FGF7: variants seen among roughly 807,000 people sequenced by gnomAD.
The protein encoded by FGF7 is FGF-7.
FGF7 carries 6 observed loss-of-function variants against 20.5 expected under a neutral mutation model. That is an observed-to-expected ratio of 0.29 (90% CI 0.16 to 0.58). The LOEUF is 0.58. Among genes scored for constraint, FGF7 ranks in the 20% least tolerant of loss-of-function variants. FGF7 has a pLI of 0.90. For synonymous variants in FGF7, 64 were observed against 74.7 expected, an observed-to-expected ratio of 0.86 and a Z score of 0.74; for missense variants, 144 against 228.8, an observed-to-expected ratio of 0.63 and a Z score of 2.39.
intron 2 of FGF7, among the ~76,000 whole-genome samples, chr15:49,463,644 C>G (rs934652034): frequency 6.6e-6 from 1 of 151,918 alleles, no homozygotes; most frequent in African/African-American, 2.4e-5. Context: ...CCTGGAAGTT[C>G]GCTGTGTATA....
chr15:49,479,597 CTGT>C (rs869112433), intron 2 of FGF7, among the ~76,000 whole-genome samples: 1 of 102,078 alleles, frequency 9.8e-6, no homozygotes, highest in Non-Finnish European at 1.8e-5. Context: ...GTTAATACCT[CTGT>C]TTTTTTTTTT....
At chr15:49,457,252 C>G (rs1259658237) in intron 2 of FGF7, among the ~76,000 whole-genome samples, 1 of 151,868 alleles carries the variant, frequency 6.6e-6, no homozygotes, top group Non-Finnish European at 1.5e-5. Context: ...TCGTTTAATA[C>G]TATAATATTC....
intron 2 of FGF7, among the ~76,000 whole-genome samples, chr15:49,438,193 C>T (rs1264064554): frequency 4.0e-5 from 6 of 151,650 alleles, no homozygotes; most frequent in South Asian, 2.1e-4. Flanking sequence ...TGAAGCTTTA[C>T]CCATAGGCTA....
chr15:49,485,056 A>T lies in FGF7; in HGVS notation c.*552A>T, dbSNP rs1260687540. 2.6e-5 allele frequency: 4 copies of T among 152,122 alleles called. No individual in the cohort carries two copies. Among genetic ancestry groups the T allele is most frequent in the African/African-American group, 9.7e-5 (4 of 41,432 alleles). 9.4% of individuals were successfully genotyped at this position (152,122 alleles called of 1,614,324 possible). ...CTAATCAGAAAAAAAATTCTCAAAA[A>T]AACTATTATGAAAGTCAATAAAATA... On this transcript the variant is annotated 3_prime_UTR_variant, in exon 4 of 4. Coordinates refer to ENST00000267843, the MANE Select transcript of FGF7 (RefSeq NM_002009.4).
rs2056613784 is a variant in FGF7, at chr15:49,488,657, T to C, written c.*4153T>C. Reference sequence around the variant, plus strand: ...TTTTCTTTCATTTATATTCTAATAATTGAAATGTGAGATGAAAATAACATT... The same window carrying C: ...TTTTCTTTCATTTATATTCTAATAACTGAAATGTGAGATGAAAATAACATT... On this transcript the variant is annotated 3_prime_UTR_variant, in exon 4 of 4. Coordinates refer to ENST00000267843, the MANE Select transcript of FGF7 (RefSeq NM_002009.4). The C allele has an allele frequency of 6.6e-6, 1 of 152,080 alleles. No homozygotes were observed. The highest frequency in any genetic ancestry group is 1.5e-5 in the Non-Finnish European group (1 of 67,968). The allele number at this position is 152,080 out of a possible 1,614,324, so 9.4% of individuals were successfully genotyped here. A position where few individuals can be genotyped will look rare whatever the true frequency, so the allele number is the denominator to read the frequency against.
At chr15:49,473,513 A>G (rs897021942) in intron 2 of FGF7, among the ~76,000 whole-genome samples, 2 of 152,178 alleles carry the variant, frequency 1.3e-5, no homozygotes, top group Non-Finnish European at 2.9e-5. Context: ...CTGGCAATAA[A>G]CACTCAGTAA....
chr15:49,478,688 T>C (rs2055598271), intron 2 of FGF7, among the ~76,000 whole-genome samples: 1 of 152,168 alleles, frequency 6.6e-6, no homozygotes, highest in Non-Finnish European at 1.5e-5. Context: ...AAATAATATT[T>C]AGTTATCATG....
At chr15:49,425,789 G>A (rs552068815) in intron 2 of FGF7, among the ~76,000 whole-genome samples, 1 of 151,746 alleles carries the variant, frequency 6.6e-6, no homozygotes, top group South Asian at 2.1e-4. Context: ...TTAATGACTG[G>A]ACAGTTATGG....
intron 2 of FGF7, among the ~76,000 whole-genome samples, chr15:49,464,436 G>A (rs543627033): frequency 2.0e-5 from 3 of 152,236 alleles, no homozygotes; most frequent in Non-Finnish European, 2.9e-5. Context: ...AAGTATGTAC[G>A]TGTAGTGAAA....
chr15:49,454,152 TAC>T (rs2053045763), intron 2 of FGF7, among the ~76,000 whole-genome samples: 1 of 152,168 alleles, frequency 6.6e-6, no homozygotes, highest in Non-Finnish European at 1.5e-5. Context: ...ATAAAAGAAA[TAC>T]AGAGTGAATG....
chr15:49,424,323 T>G lies in FGF7; in HGVS notation c.26T>G (p.Ile9Ser), dbSNP rs1048633344. The G allele has an allele frequency of 4.3e-6, 7 of 1,613,426 alleles. No homozygotes were observed. In the Admixed American group the frequency reaches 8.3e-5, roughly 19 times the overall value. The stretch of plus-strand genomic sequence containing the variant: ...ATGCACAAATGGATACTGACATGGA[T>G]CCTGCCAACTTTGCTCTACAGATCA... MHKWILTW[I>S]LPTLLYRSCF... Residue 9 changes from isoleucine (I) to serine (S), a missense_variant, in exon 2 of 4, where the codon ATC becomes AGC. Physicochemically the swap from Ile to Ser is moderately radical, Grantham distance 142 (BLOSUM62 -2). Transcript: ENST00000267843.
chr15:49,443,542 A>T (rs143621735), intron 2 of FGF7, among the ~76,000 whole-genome samples: 3,574 of 151,854 alleles, frequency 0.024, 90 homozygotes, highest in South Asian at 0.13. Context: ...CTTAAGGTTT[A>T]GTGTCTATAA....
chr15:49,457,467 G>C (rs1429914973), intron 2 of FGF7, among the ~76,000 whole-genome samples: 7 of 151,888 alleles, frequency 4.6e-5, no homozygotes, highest in East Asian at 1.9e-4. Flanking sequence ...CAAGAGGACT[G>C]AACTTTTCAG....
At chr15:49,435,475 T>C (rs1393316265) in intron 2 of FGF7, among the ~76,000 whole-genome samples, 1 of 151,642 alleles carries the variant, frequency 6.6e-6, no homozygotes, top group East Asian at 1.9e-4. Context: ...ATTCATGAAG[T>C]ATGCTACTTT....
At chr15:49,479,901 A>G (rs2055766595) in intron 2 of FGF7, among the ~76,000 whole-genome samples, 1 of 152,224 alleles carries the variant, frequency 6.6e-6, no homozygotes, top group Non-Finnish European at 1.5e-5. Context: ...GGCGTGAGCC[A>G]CTGCGCTCCG....
intron 2 of FGF7, among the ~76,000 whole-genome samples, chr15:49,427,407 A>G (rs149894107): frequency 1.3e-5 from 2 of 152,166 alleles, no homozygotes; most frequent in African/African-American, 4.8e-5. Context: ...ATGCAGCAGG[A>G]TTCTGATTAA....
chr15:49,439,550 T>C (rs1192402288), intron 2 of FGF7, among the ~76,000 whole-genome samples: 2 of 151,706 alleles, frequency 1.3e-5, no homozygotes, highest in Admixed American at 1.3e-4. Context: ...TTAGTCAAGT[T>C]GAAATTCTAA....
intron 2 of FGF7, among the ~76,000 whole-genome samples, chr15:49,464,796 A>G (rs1449138416): frequency 6.6e-6 from 1 of 152,224 alleles, no homozygotes; most frequent in Non-Finnish European, 1.5e-5. Context: ...GTGCATCTAC[A>G]TCTGGAAGAC....
At chr15:49,481,295 T>G (rs2055921601) in intron 2 of FGF7, among the ~76,000 whole-genome samples, 1 of 152,236 alleles carries the variant, frequency 6.6e-6, no homozygotes, top group African/African-American at 2.4e-5. Flanking sequence ...TTATTCCATT[T>G]TGGAGGTATT....
Sources: allele counts gnomAD v4.1 joint callset (sites outside exome capture counted in the v4.1 genomes callset), GRCh38; gene constraint gnomAD v4.1.1; transcripts MANE v1.5; gene names NCBI Gene and HGNC (gene_info 2026-07-23, HGNC 2026-07-21).